The following FBXW12 variants were observed in gnomAD, a reference collection of about 807,000 sequenced individuals.
FBXW12 encodes the protein F-box and WD repeat domain containing 12.
A neutral mutation model predicts 55.3 loss-of-function variants in FBXW12; 43 were observed. The observed-to-expected ratio is 0.78, with a 90% CI of 0.61 to 1.00. The LOEUF is 1.00. FBXW12 is among the 50% of genes least tolerant of loss of function. The probability of loss-of-function intolerance (pLI) is 0.00; values close to 1 mark genes in which losing one functional copy is unlikely to be tolerated. For synonymous variants in FBXW12, 184 were observed against 203.8 expected (o/e 0.90, Z 0.83); for missense variants, 524 against 560.5 (o/e 0.93, Z 0.66).
intron 4 of FBXW12, among the ~76,000 whole-genome samples, chr3:48,374,747 G>A (rs1257976396): frequency 6.8e-6 from 1 of 146,896 alleles, no homozygotes; most frequent in South Asian, 2.1e-4. Flanking sequence ...ACTGTACCTG[G>A]CCTAATCCTG....
chr3:48,391,660 C>T (rs1423520726), intron 10 of FBXW12, among the ~76,000 whole-genome samples: 1 of 152,142 alleles, frequency 6.6e-6, no homozygotes, highest in African/African-American at 2.4e-5. Context: ...AGGTATGCTC[C>T]TTCAGTGCCT....
chr3:48,385,210 A>G (rs1034784395), intron 10 of FBXW12, among the ~76,000 whole-genome samples: 20 of 152,160 alleles, frequency 1.3e-4, no homozygotes, highest in Non-Finnish European at 2.2e-4. Flanking sequence ...TGTCACACAT[A>G]AGTGAGATGA....
intron 8 of FBXW12, 26 bp downstream of exon 8, chr3:48,380,938 T>C (rs774048367): frequency 1.3e-6 from 2 of 1,572,058 alleles, no homozygotes; most frequent in Non-Finnish European, 1.8e-6. Flanking sequence ...TTAGAAACGC[T>C]TGTTTCTCTT....
In FBXW12 at chr3:48,375,442, G is replaced by C; in HGVS notation, c.375G>C (p.Lys125Asn). ...EKSIICSVSPKQELCAWDVQE... is the reference protein window; with the variant it reads ...EKSIICSVSPNQELCAWDVQE... ...CAATCATTTGTAGTGTATCTCCAAA[G>C]CAAGAGCTTTGTGCCTGGGATGTGC... is the stretch of plus-strand genomic sequence containing the variant. The change falls in exon 5 of 11, where the codon AAG becomes AAC. Residue 125 changes from lysine (K) to asparagine (N), a missense_variant. Physicochemically the swap from Lys to Asn is moderately conservative, Grantham distance 94 (BLOSUM62 0). Coordinates refer to ENST00000296438, the MANE Select transcript of FBXW12 (RefSeq NM_207102.2). The C allele has an allele frequency of 6.2e-7, 1 of 1,610,530 alleles. No individual in the cohort carries two copies. The highest frequency in any genetic ancestry group is 8.5e-7 in the Non-Finnish European group (1 of 1,178,692).
chr3:48,375,973 C>CG, intron 5 of FBXW12, among the ~76,000 whole-genome samples: 1 of 101,464 alleles, frequency 9.9e-6, no homozygotes, highest in African/African-American at 3.9e-5. Flanking sequence ...CTGCGCCCGG[C>CG]CTTTTTTTTT....
At chr3:48,386,955 T>A (rs1371356279) in intron 10 of FBXW12, among the ~76,000 whole-genome samples, 2 of 151,396 alleles carry the variant, frequency 1.3e-5, no homozygotes, top group African/African-American at 4.8e-5. Context: ...TTTTTTTTTT[T>A]AGGCGAAGTC....
In FBXW12 at chr3:48,380,865, C is replaced by T. The variant is rs770691021; in HGVS notation, c.938C>T (p.Thr313Ile). The T allele has an allele frequency of 5.6e-6, 9 of 1,614,146 alleles. No individual in the cohort carries two copies. The highest frequency in any genetic ancestry group is 7.6e-6 in the Non-Finnish European group (9 of 1,180,042). Residue 313 changes from threonine (T) to isoleucine (I), a missense_variant, in exon 8 of 11, where the codon ACC becomes ATC. Physicochemically the swap from Thr to Ile is moderately conservative, Grantham distance 89 (BLOSUM62 -1). Transcript: ENST00000296438. The stretch of plus-strand genomic sequence containing the variant: ...ACTGGAAAAAAGACAGAATTTATCA[C>T]CTTTGATCTAACAACCAAGAAGACT... ...SSTGKKTEFITFDLTTKKTGG... is the reference protein window; with the variant it reads ...SSTGKKTEFIIFDLTTKKTGG...
At chr3:48,393,320 A>G (rs1190966794) in intron 10 of FBXW12, among the ~76,000 whole-genome samples, 1 of 151,984 alleles carries the variant, frequency 6.6e-6, no homozygotes, top group Non-Finnish European at 1.5e-5. Flanking sequence ...TACTCACGTC[A>G]GTGCACCGGG....
chr3:48,393,854 C>T (rs2036966367), intron 10 of FBXW12, among the ~76,000 whole-genome samples: 1 of 150,566 alleles, frequency 6.6e-6, no homozygotes, highest in African/African-American at 2.4e-5. Flanking sequence ...TCTCGGCTCA[C>T]TACAACCTCC....
chr3:48,381,215 G>T (rs1482027706), intron 8 of FBXW12, among the ~76,000 whole-genome samples: 1 of 151,942 alleles, frequency 6.6e-6, no homozygotes, highest in Non-Finnish European at 1.5e-5. Context: ...GTAGAGACAG[G>T]GTTTCACCCT....
At chr3:48,391,317 TACACACACACACACACACACACAC>T (rs140067012) in intron 10 of FBXW12, among the ~76,000 whole-genome samples, 1 of 133,078 alleles carries the variant, frequency 7.5e-6, no homozygotes, top group Non-Finnish European at 1.6e-5. Context: ...TATCTATCTA[TACACACACACACACACACACACAC>T]ACACACACAC....
At chr3:48,377,413 T>C (rs1204279438) in intron 5 of FBXW12, among the ~76,000 whole-genome samples, 1 of 152,134 alleles carries the variant, frequency 6.6e-6, no homozygotes, top group East Asian at 1.9e-4. Flanking sequence ...TCCAGAAAGA[T>C]CTGTGTGGTG....
intron 8 of FBXW12, 39 bp downstream of exon 8, chr3:48,380,951 T>C: frequency 3.3e-6 from 5 of 1,521,858 alleles, no homozygotes; most frequent in Non-Finnish European, 4.6e-6. Context: ...TTTCTCTTCC[T>C]CATCACACAG....
At chr3:48,372,598 C>G in intron 1 of FBXW12, 86 bp from the exon 2 acceptor site, 1 of 1,479,474 alleles carries the variant, frequency 6.8e-7, no homozygotes, top group Non-Finnish European at 9.1e-7. Context: ...AGGGGAGAGG[C>G]CGGGGTGGAG....
chr3:48,387,756 G>A (rs966750018), intron 10 of FBXW12, among the ~76,000 whole-genome samples: 1 of 151,992 alleles, frequency 6.6e-6, no homozygotes, highest in African/African-American at 2.4e-5. Flanking sequence ...GTGGAGATTG[G>A]GTTTTGCCAG....
intron 10 of FBXW12, among the ~76,000 whole-genome samples, chr3:48,389,078 AATTT>A (rs1290636651): frequency 3.9e-5 from 6 of 151,996 alleles, no homozygotes; most frequent in African/African-American, 1.4e-4. Flanking sequence ...CTACGAGTCT[AATTT>A]ATTTAGATTC....
At chr3:48,382,414 G>A (rs905768111) in intron 10 of FBXW12, among the ~76,000 whole-genome samples, 10 of 151,852 alleles carry the variant, frequency 6.6e-5, no homozygotes, top group Admixed American at 1.3e-4. Context: ...GCACCCTGCC[G>A]AAAACTTCTA....
At chr3:48,383,002 G>A (rs2036799750) in intron 10 of FBXW12, among the ~76,000 whole-genome samples, 1 of 152,198 alleles carries the variant, frequency 6.6e-6, no homozygotes, top group African/African-American at 2.4e-5. Context: ...CTCCCTAAGT[G>A]TCCAAACATA....
At chr3:48,374,409 C>T (rs2107152003) in intron 4 of FBXW12, among the ~76,000 whole-genome samples, 1 of 151,538 alleles carries the variant, frequency 6.6e-6, no homozygotes, top group Admixed American at 6.6e-5. Flanking sequence ...CTCACTGCAG[C>T]CTCTGTCTCC....
Sources: gnomAD v4.1 joint callset for allele counts (sites outside exome capture counted in the v4.1 genomes callset) on GRCh38, gnomAD v4.1.1 for gene constraint, MANE v1.5 for transcripts, NCBI Gene and HGNC (gene_info 2026-07-23, HGNC 2026-07-21) for gene names.